Variants in SOX5 observed in about 807,000 individuals in gnomAD.
SOX5 encodes the protein transcription factor SOX-5.
In SOX5, 9 loss-of-function variants were observed where a neutral mutation model predicts 92.0. The ratio of observed to expected loss-of-function variants is 0.10; its 90% CI spans 0.06 to 0.17. The LOEUF is 0.17. Among genes scored for constraint, SOX5 ranks in the 10% least tolerant of loss-of-function variants. The pLI is 1.00. For missense variants in SOX5, 642 were observed against 944.5 expected, an observed-to-expected ratio of 0.68 and a Z score of 4.20; for synonymous variants, 344 against 336.3, an observed-to-expected ratio of 1.02 and a Z score of -0.25.
intron 4 of SOX5, among the ~76,000 whole-genome samples, chr12:24,123,712 C>T (rs959311496): frequency 3.3e-5 from 5 of 152,154 alleles, no homozygotes; most frequent in African/African-American, 4.8e-5. Flanking sequence ...AACCAGGAGT[C>T]GACTATAAAT....
At chr12:24,439,777 C>T (rs1036407971) in intron 1 of SOX5, among the ~76,000 whole-genome samples, 2 of 152,024 alleles carry the variant, frequency 1.3e-5, no homozygotes, top group Non-Finnish European at 2.9e-5. Flanking sequence ...CGCCTGTAGT[C>T]CCAGCTACTC....
intron 4 of SOX5, among the ~76,000 whole-genome samples, chr12:24,054,268 T>G (rs375485397): frequency 1.3e-5 from 2 of 152,262 alleles, no homozygotes; most frequent in South Asian, 4.1e-4. Context: ...TCCCTCCCCT[T>G]CACTAACTGG....
At chr12:23,980,677 T>G (rs1185219251) in intron 4 of SOX5, among the ~76,000 whole-genome samples, 1 of 152,124 alleles carries the variant, frequency 6.6e-6, no homozygotes, top group Non-Finnish European at 1.5e-5. Context: ...CCTGCTTCTT[T>G]CCCCCCTCTT....
chr12:23,965,266 C>T lies in SOX5; in HGVS notation c.-1-69242G>A, dbSNP rs201595310. 7.1e-3 allele frequency among the ~76,000 whole-genome samples: 1,077 copies of T among 152,322 alleles called. 14 individuals carry two copies. Among genetic ancestry groups the T allele is most frequent in the African/African-American group, 0.024 (986 of 41,566 alleles). On this transcript the variant is annotated intron_variant, in intron 4 of 4. Coordinates refer to the SOX5 transcript ENST00000446891. ...GTCAAGGGCATATGTAGTGGCCTGA[C>T]CGCTAAGAATGACCATGTGTCTGGG... is the stretch of plus-strand genomic sequence containing the variant.
At chr12:24,261,583 G>GA (rs986373930) in intron 3 of SOX5, among the ~76,000 whole-genome samples, 16 of 150,960 alleles carry the variant, frequency 1.1e-4, no homozygotes, top group Non-Finnish European at 1.6e-4. Context: ...TCCCCTATAG[G>GA]AAAAAAAAAT....
intron 8 of SOX5, among the ~76,000 whole-genome samples, chr12:23,628,996 T>C (rs1409467417): frequency 1.3e-5 from 2 of 151,992 alleles, no homozygotes; most frequent in Non-Finnish European, 2.9e-5. Flanking sequence ...AATACTATCT[T>C]TCTTCTAAGA....
At chr12:23,767,273 A>C (rs1187836230) in intron 3 of SOX5, among the ~76,000 whole-genome samples, 2 of 151,854 alleles carry the variant, frequency 1.3e-5, no homozygotes, top group African/African-American at 2.4e-5. Flanking sequence ...AACATAATGT[A>C]CTATACACAT....
At chr12:24,338,660 G>A (rs1405945328) in intron 2 of SOX5, among the ~76,000 whole-genome samples, 7 of 152,134 alleles carry the variant, frequency 4.6e-5, no homozygotes, top group African/African-American at 1.7e-4. Context: ...CCCATGTGTT[G>A]TGTGAGGGAC....
intron 8 of SOX5, among the ~76,000 whole-genome samples, chr12:23,634,027 A>G (rs1327906349): frequency 6.6e-6 from 1 of 152,150 alleles, no homozygotes; most frequent in Non-Finnish European, 1.5e-5. Context: ...CAATGGGGGC[A>G]AGAAAAAACA....
intron 3 of SOX5, among the ~76,000 whole-genome samples, chr12:24,232,625 A>C (rs1370795321): frequency 1.3e-5 from 2 of 152,178 alleles, no homozygotes; most frequent in Non-Finnish European, 2.9e-5. Flanking sequence ...GAATGACTTG[A>C]TATGAGTCAA....
At chr12:24,077,798 TA>T (rs1439391852) in intron 4 of SOX5, among the ~76,000 whole-genome samples, 20 of 145,522 alleles carry the variant, frequency 1.4e-4, no homozygotes, top group Non-Finnish European at 3.0e-4. Context: ...TATATATATA[TA>T]TATATATGCA....
chr12:24,135,779 G>C (rs1950055919), intron 4 of SOX5, among the ~76,000 whole-genome samples: 1 of 152,068 alleles, frequency 6.6e-6, no homozygotes, highest in African/African-American at 2.4e-5. Context: ...GAGGCCTGGG[G>C]GCAGGCAGTC....
intron 3 of SOX5, among the ~76,000 whole-genome samples, chr12:23,811,228 C>G (rs1322270758): frequency 6.6e-6 from 1 of 151,982 alleles, no homozygotes; most frequent in East Asian, 1.9e-4. Flanking sequence ...ATTATTCACC[C>G]CCTACACAGA....
chr12:24,200,468 C>T (rs60114606), intron 4 of SOX5, among the ~76,000 whole-genome samples: 2 of 151,910 alleles, frequency 1.3e-5, no homozygotes, highest in East Asian at 3.9e-4. Flanking sequence ...ATAAGGAACT[C>T]TGATTGTAAT....
At position 23,604,254 on chromosome 12, in the gene SOX5, C is replaced by T. The variant is rs112499833; in HGVS notation, c.1164+133G>A. 7.3e-3 allele frequency: 5,848 copies of T among 799,282 alleles called. 38 individuals carry two copies. The highest frequency in any genetic ancestry group is 9.5e-3 in the Non-Finnish European group (4,622 of 485,440). 49.5% of individuals were successfully genotyped at this position (799,282 alleles called of 1,614,324 possible). A position where few individuals can be genotyped will look rare whatever the true frequency, so the allele number is the denominator to read the frequency against. On this transcript the variant is annotated intron_variant, in intron 9 of 14. Coordinates refer to ENST00000451604, the MANE Select transcript of SOX5 (RefSeq NM_006940.6). ...GATAAGTTGACATGCACACCTGTTG[C>T]CCTTACTTGATTCTTACCTCCTTGT...
At chr12:24,196,753 A>C (rs955678890) in intron 4 of SOX5, among the ~76,000 whole-genome samples, 3 of 152,086 alleles carry the variant, frequency 2.0e-5, no homozygotes, top group Admixed American at 1.3e-4. Flanking sequence ...AAATACAAAA[A>C]TGAGCCAGGC....
rs73280177 is a variant in SOX5, at chr12:23,915,893, T to C, written c.39-19869A>G. ...TTCCAGACAAAGAAATGGGTGTCTA[T>C]TGTAAAGAATAAATGTGGGACACAG... On this transcript the variant is annotated intron_variant, in intron 1 of 14. Coordinates refer to ENST00000451604, the MANE Select transcript of SOX5 (RefSeq NM_006940.6). 3.5e-3 allele frequency among the ~76,000 whole-genome samples: 529 copies of C among 152,244 alleles called. 2 individuals carry two copies. Among genetic ancestry groups the C allele is most frequent in the African/African-American group, 0.012 (502 of 41,566 alleles).
At chr12:23,922,072 C>T (rs148797975) in intron 1 of SOX5, among the ~76,000 whole-genome samples, 397 of 152,296 alleles carry the variant, frequency 2.6e-3, no homozygotes, top group Non-Finnish European at 4.3e-3. Context: ...CAACTCCCCC[C>T]CTGGGCTCCC....
At chr12:23,973,501 C>T (rs1196436297) in intron 4 of SOX5, among the ~76,000 whole-genome samples, 2 of 152,120 alleles carry the variant, frequency 1.3e-5, no homozygotes, top group Non-Finnish European at 2.9e-5. Flanking sequence ...GGGGAAGCCA[C>T]TGTATATATA....
Sources: gnomAD v4.1 joint callset for allele counts (sites outside exome capture counted in the v4.1 genomes callset) on GRCh38, gnomAD v4.1.1 for gene constraint, MANE v1.5 for transcripts, NCBI Gene and HGNC (gene_info 2026-07-23, HGNC 2026-07-21) for gene names.